The following EYS variants were observed in gnomAD, a reference collection of about 807,000 sequenced individuals.
EYS encodes the protein protein eyes shut homolog.
Under a neutral mutation model 282.1 loss-of-function variants are expected in EYS, and 250 were observed. The ratio of observed to expected loss-of-function variants is 0.89; its 90% CI spans 0.80 to 0.98. The LOEUF (loss-of-function observed/expected upper bound fraction) is 0.98, where lower values mean the gene tolerates loss of function less well. Among genes scored for constraint, EYS ranks in the 50% least tolerant of loss-of-function variants. The pLI, the probability that EYS is intolerant of heterozygous loss-of-function variation, is 0.00. For missense variants in EYS, 4,016 were observed against 3,709.0 expected, an observed-to-expected ratio of 1.08 and a Z score of -2.15; for synonymous variants, 1,355 against 1,282.9, an observed-to-expected ratio of 1.06 and a Z score of -1.20.
chr6:65,049,648 T>G (rs1286799880), intron 13 of EYS, among the ~76,000 whole-genome samples: 1 of 151,734 alleles, frequency 6.6e-6, no homozygotes, highest in Non-Finnish European at 1.5e-5. Flanking sequence ...ACTTTCCAAT[T>G]TTTCAAAGCT....
At chr6:65,691,044 C>A (rs987842923) in intron 1 of EYS, among the ~76,000 whole-genome samples, 2 of 150,322 alleles carry the variant, frequency 1.3e-5, no homozygotes, top group Non-Finnish European at 3.0e-5. Flanking sequence ...AATAAACATA[C>A]ATGTGCATGT....
Position 65,494,931 on chromosome 6 carries a change from T to A in EYS, c.480A>T (p.Pro160=). ...CTGTCACATTTAGTCGAAGTCCCAG[T>A]GGACAAGGTGATGGACCACTTGCCA... is the stretch of plus-strand genomic sequence containing the variant. The part of the protein sequence containing the change: ...TVMASGPSPC[P]LGLRLNVTVK... Residue 160 remains proline, a synonymous_variant, in exon 4 of 43, where the codon CCA becomes CCT. Transcript: ENST00000503581. 1 of 1,614,150 alleles carries A rather than the reference T, an allele frequency of 6.2e-7. No homozygotes were observed. Among genetic ancestry groups the A allele is most frequent in the Non-Finnish European group, 8.5e-7 (1 of 1,180,020 alleles).
rs568416432 is a variant in EYS at position 63,827,677 on chromosome 6, T to A, written c.7229-21305A>T. On this transcript the variant is annotated intron_variant, in intron 36 of 42. Transcript: ENST00000503581. ...GGCTAACAAGGTGAAACCCCGTCTC[T>A]ACTAAAAATACAAAAAATTAGCCGG... Among the ~76,000 whole-genome samples, 14 of 151,996 alleles carry A rather than the reference T, an allele frequency of 9.2e-5. No homozygotes were observed. The South Asian group carries it at 2.9e-3, about 32-fold the overall frequency.
intron 12 of EYS, among the ~76,000 whole-genome samples, chr6:65,263,908 T>C (rs1391468485): frequency 6.6e-6 from 1 of 151,488 alleles, no homozygotes; most frequent in African/African-American, 2.4e-5. Context: ...TAAGACCCTG[T>C]CTCTCAATAA....
At chr6:64,115,011 G>C (rs1158400120) in intron 31 of EYS, among the ~76,000 whole-genome samples, 1 of 152,140 alleles carries the variant, frequency 6.6e-6, no homozygotes, top group Non-Finnish European at 1.5e-5. Context: ...GCCAAAATGA[G>C]GTAGTCTGTG....
intron 2 of EYS, among the ~76,000 whole-genome samples, chr6:65,579,238 A>G (rs1416320043): frequency 6.6e-6 from 1 of 152,172 alleles, no homozygotes; most frequent in Non-Finnish European, 1.5e-5. Flanking sequence ...TACAAGAATC[A>G]AGAAGATACA....
At chr6:63,727,737 A>AAAAAATATATATAT (rs1554164607) in intron 41 of EYS, among the ~76,000 whole-genome samples, 3 of 36,736 alleles carry the variant, frequency 8.2e-5, no homozygotes, top group Admixed American at 3.9e-4. Context: ...AAAAAAAAAA[A>AAAAAATATATATAT]ATATATATAT....
chr6:63,882,729 G>T (rs1377020400), intron 35 of EYS, among the ~76,000 whole-genome samples: 1 of 152,250 alleles, frequency 6.6e-6, no homozygotes, highest in African/African-American at 2.4e-5. Flanking sequence ...ATAAATGGTT[G>T]GGGGAGAGTT....
Position 65,369,659 on chromosome 6 carries a change from T to C in EYS, c.1299+14727A>G, listed in dbSNP as rs190109278. 5.3e-5 allele frequency among the ~76,000 whole-genome samples: 8 copies of C among 151,638 alleles called. No individual in the cohort carries two copies. In the East Asian group the frequency reaches 1.6e-3, roughly 29 times the overall value. On this transcript the variant is annotated intron_variant, in intron 8 of 42. Coordinates refer to ENST00000503581, the MANE Select transcript of EYS (RefSeq NM_001142800.2). ...GAAGAATTTTTCAACCACAACGATATTGGCATTTTGGACTCAATATTGCTT... is the reference window on the plus strand; with the variant it reads ...GAAGAATTTTTCAACCACAACGATACTGGCATTTTGGACTCAATATTGCTT...
intron 1 of EYS, among the ~76,000 whole-genome samples, chr6:65,664,194 A>C (rs1768123356): frequency 6.6e-6 from 1 of 152,094 alleles, no homozygotes; most frequent in East Asian, 1.9e-4. Context: ...TATTTCAACC[A>C]AAATTAGAAA....
At chr6:64,914,929 TA>T (rs905893538) in intron 15 of EYS, among the ~76,000 whole-genome samples, 2 of 152,034 alleles carry the variant, frequency 1.3e-5, no homozygotes, top group Admixed American at 6.6e-5. Context: ...CTTCACAATA[TA>T]AAAAATATAT....
At chr6:64,760,462 A>G (rs6454995) in intron 22 of EYS, among the ~76,000 whole-genome samples, 151,751 of 152,176 alleles carry the variant, frequency 1, 75,664 homozygotes, top group Middle Eastern at 1. Context: ...CCATAGAGTA[A>G]AAATGGCATC....
At chr6:64,545,001 T>C (rs2149801347) in intron 26 of EYS, among the ~76,000 whole-genome samples, 1 of 152,268 alleles carries the variant, frequency 6.6e-6, no homozygotes, top group African/African-American at 2.4e-5. Context: ...AAGGAGGGAT[T>C]CCTCCCTAAC....
intron 30 of EYS, among the ~76,000 whole-genome samples, chr6:64,258,708 T>C (rs1231797573): frequency 6.6e-6 from 1 of 152,112 alleles, no homozygotes; most frequent in Non-Finnish European, 1.5e-5. Context: ...TCAGTACTTC[T>C]AGGCTGCTCA....
intron 2 of EYS, among the ~76,000 whole-genome samples, chr6:65,529,292 TGTAA>T (rs1767679147): frequency 6.6e-6 from 1 of 152,170 alleles, no homozygotes; most frequent in African/African-American, 2.4e-5. Context: ...CATAATTCTG[TGTAA>T]GTAACCACTC....
At chr6:64,224,697 G>A (rs1055826552) in intron 31 of EYS, among the ~76,000 whole-genome samples, 1 of 152,088 alleles carries the variant, frequency 6.6e-6, no homozygotes. Context: ...TTTTGGTGAT[G>A]TATTTACATT....
chr6:64,452,828 C>G (rs1775408426), intron 26 of EYS, among the ~76,000 whole-genome samples: 1 of 152,140 alleles, frequency 6.6e-6, no homozygotes, highest in South Asian at 2.1e-4. Flanking sequence ...GAAACTGGAT[C>G]CCTTCCTTAT....
intron 12 of EYS, among the ~76,000 whole-genome samples, chr6:65,242,841 T>C (rs1767088634): frequency 1.3e-5 from 2 of 152,136 alleles, no homozygotes; most frequent in African/African-American, 4.8e-5. Context: ...TTTTCAAGTT[T>C]AGACTTGTAT....
At chr6:63,890,031 T>G (rs57974890) in intron 35 of EYS, among the ~76,000 whole-genome samples, 17,903 of 152,136 alleles carry the variant, frequency 0.12, 1,291 homozygotes, top group African/African-American at 0.19. Context: ...CATTACATAA[T>G]GGTAAAGGAA....
Sources: gnomAD v4.1 joint callset for allele counts (sites outside exome capture counted in the v4.1 genomes callset) on GRCh38, gnomAD v4.1.1 for gene constraint, MANE v1.5 for transcripts, NCBI Gene and HGNC (gene_info 2026-07-23, HGNC 2026-07-21) for gene names.